Variants in IPO5 observed in about 807,000 individuals in gnomAD.
IPO5 encodes importin 5.
In IPO5, 18 loss-of-function variants were observed where a neutral mutation model predicts 143.3. That is an observed-to-expected ratio of 0.13 (90% CI 0.09 to 0.19). The LOEUF (loss-of-function observed/expected upper bound fraction) is 0.19, where lower values mean the gene tolerates loss of function less well. Ranked by LOEUF, IPO5 falls within the 10% of genes least tolerant of loss-of-function variation. The pLI is 1.00. For missense variants in IPO5, 1,013 were observed against 1,336.9 expected (o/e 0.76, Z 3.78); for synonymous variants, 477 against 465.7 (o/e 1.02, Z -0.31).
chr13:98,013,028 A>G (rs763804645), intron 21 of IPO5, among the ~76,000 whole-genome samples: 1 of 151,980 alleles, frequency 6.6e-6, no homozygotes, highest in Non-Finnish European at 1.5e-5. Flanking sequence ...AAATGTGGAT[A>G]GCACCTTTGC....
chr13:97,990,329 C>T (rs1251559334), intron 8 of IPO5, 104 bp from the exon 9 acceptor site: 1 of 1,145,066 alleles, frequency 8.7e-7, no homozygotes, highest in Non-Finnish European at 1.3e-6. Context: ...AAAATACAAA[C>T]ACCAGTTTTA....
chr13:97,982,358 G>A, intron 4 of IPO5, 145 bp from the exon 5 acceptor site: 1 of 604,498 alleles, frequency 1.7e-6, no homozygotes, highest in Non-Finnish European at 2.9e-6. Context: ...CATATCTGAA[G>A]TGTATTTCAT....
intron 2 of IPO5, among the ~76,000 whole-genome samples, chr13:97,968,292 A>G (rs1885523610): frequency 6.6e-6 from 1 of 152,356 alleles, no homozygotes; most frequent in Non-Finnish European, 1.5e-5. Context: ...CTTGTTTTAC[A>G]GCCTAACATA....
rs1427021939 is a variant in IPO5 at position 98,017,156 on chromosome 13, A to C, written c.2616+305A>C. ...TCCTAAATTAATAAAAGGAAACAGA[A>C]TGGTTACTTCTTTTTTAGTGGACCA... On this transcript the variant is annotated intron_variant, in intron 25 of 28. Coordinates refer to ENST00000651721, the MANE Select transcript of IPO5 (RefSeq NM_002271.6). Among the ~76,000 whole-genome samples, 5 of 152,180 alleles carry C rather than the reference A, an allele frequency of 3.3e-5. No homozygotes were observed. In the East Asian group the frequency reaches 9.7e-4, roughly 29 times the overall value.
intron 12 of IPO5, 131 bp downstream of exon 12, chr13:97,997,749 G>T: frequency 2.3e-6 from 1 of 430,982 alleles, no homozygotes; most frequent in Non-Finnish European, 4.2e-6. Context: ...CCTTGCTGTT[G>T]TATTTATTGC....
At chr13:97,997,799 T>C (rs750053068) in intron 12 of IPO5, among the ~76,000 whole-genome samples, 181 bp downstream of exon 12, 1 of 152,244 alleles carries the variant, frequency 6.6e-6, no homozygotes, top group Non-Finnish European at 1.5e-5. Context: ...TTAGTTTTCA[T>C]GTATAATTTA....
At position 97,980,067 on chromosome 13, in the gene IPO5, CA is replaced by C. The variant is rs1169557410; in HGVS notation, c.91-2433del. ...TAAATTGTATAAGGTGGAATCAAATCAAATTGAAATTTTGTTTGCCACAACT... is the reference window on the plus strand; with the variant it reads ...TAAATTGTATAAGGTGGAATCAAATCAATTGAAATTTTGTTTGCCACAACT... On this transcript the variant is annotated intron_variant, in intron 4 of 28. Transcript: ENST00000651721. 24 of 388,666 alleles carry C rather than the reference CA, an allele frequency of 6.2e-5. No homozygotes were observed. In the East Asian group the frequency reaches 1.7e-3, roughly 28 times the overall value. 24.1% of individuals were successfully genotyped at this position (388,666 alleles called of 1,614,324 possible). A position where few individuals can be genotyped will look rare whatever the true frequency, so the allele number is the denominator to read the frequency against.
At chr13:97,989,602 C>G (rs1369798877) in intron 7 of IPO5, among the ~76,000 whole-genome samples, 1 of 152,136 alleles carries the variant, frequency 6.6e-6, no homozygotes. Context: ...ATATTTATAA[C>G]CAAATAGTCT....
chr13:98,018,472 A>T lies in IPO5; in HGVS notation c.2617-13A>T. ...ACCAGTATTTGAAGCTTAAAAGAGA[A>T]TTTCTTTTGTAGTGTCCACATAGAC... On this transcript the variant is annotated splice_polypyrimidine_tract_variant and intron_variant, in intron 25 of 28. Coordinates refer to ENST00000651721, the MANE Select transcript of IPO5 (RefSeq NM_002271.6). The T allele has an allele frequency of 1.3e-6, 2 of 1,582,114 alleles. No individual in the cohort carries two copies. The highest frequency in any genetic ancestry group is 2.2e-5 in the South Asian group (2 of 89,736).
In IPO5 at chr13:98,018,735, C is replaced by T. The variant is rs569012724; in HGVS notation, c.2836+31C>T. The T allele has an allele frequency of 1.8e-4, 264 of 1,495,286 alleles. 4 individuals carry two copies. In the South Asian group the frequency reaches 2.9e-3, roughly 17 times the overall value. The allele number at this position is 1,495,286 out of a possible 1,614,324, so 92.6% of individuals were successfully genotyped here. On this transcript the variant is annotated intron_variant, in intron 26 of 28. Coordinates refer to ENST00000651721, the MANE Select transcript of IPO5 (RefSeq NM_002271.6). ...TTTGCTTATTCCGTTACGTGCATTT[C>T]ATTCCAGACATCCTGTGAATCCCTA...
rs1890516981 is a variant in IPO5 at position 98,021,826 on chromosome 13, G to T, written c.*4G>T. On this transcript the variant is annotated 3_prime_UTR_variant, in exon 29 of 29. Coordinates refer to ENST00000651721, the MANE Select transcript of IPO5 (RefSeq NM_002271.6). Reference sequence around the variant, plus strand: ...GGAGCTCCTGAACTCTGCGTGAAGGGCCTTAATGTCACCCACCAGAAAACT... The same window carrying T: ...GGAGCTCCTGAACTCTGCGTGAAGGTCCTTAATGTCACCCACCAGAAAACT... 1 of 1,590,110 alleles carries T rather than the reference G, an allele frequency of 6.3e-7. No individual in the cohort carries two copies. The highest frequency in any genetic ancestry group is 1.3e-5 in the African/African-American group (1 of 74,558).
chr13:97,992,775 T>C, intron 9 of IPO5, 117 bp from the exon 10 acceptor site: 1 of 1,086,682 alleles, frequency 9.2e-7, no homozygotes, highest in East Asian at 2.4e-5. Flanking sequence ...TGCTAAATTA[T>C]TTAGTGAAAA....
At chr13:98,011,359 C>T (rs1889699114) in intron 20 of IPO5, among the ~76,000 whole-genome samples, 1 of 152,158 alleles carries the variant, frequency 6.6e-6, no homozygotes, top group South Asian at 2.1e-4. Context: ...GGCTTGATCT[C>T]AGCTCACTGC....
chr13:97,961,315 T>C (rs1188810837), intron 2 of IPO5, among the ~76,000 whole-genome samples: 1 of 152,194 alleles, frequency 6.6e-6, no homozygotes, highest in East Asian at 1.9e-4. Context: ...TGTCAACATA[T>C]GTTGTCTTTT....
chr13:98,008,194 A>C, intron 18 of IPO5, 52 bp downstream of exon 18: 1 of 1,049,316 alleles, frequency 9.5e-7, no homozygotes. Flanking sequence ...TGTGGACAGC[A>C]CATGGTTCAA....
Position 97,994,464 on chromosome 13 carries a change from CATA to C in IPO5, c.913+1245_913+1247del, listed in dbSNP as rs142707496. Among the ~76,000 whole-genome samples the C allele has an allele frequency of 1.6e-3, 237 of 152,234 alleles. 1 individual carries two copies. The highest frequency in any genetic ancestry group is 5.5e-3 in the African/African-American group (228 of 41,528). On this transcript the variant is annotated intron_variant, in intron 11 of 28. Transcript: ENST00000651721. ...ATTTTATTGTAAGTGTTCCATTATT[CATA>C]ATAATCATTTAGAAAATTTTATAGG...
intron 2 of IPO5, among the ~76,000 whole-genome samples, chr13:97,967,800 T>G (rs1885475803): frequency 6.6e-6 from 1 of 151,978 alleles, no homozygotes; most frequent in Admixed American, 6.6e-5. Flanking sequence ...CCCGGCTAAT[T>G]TTTTGTATTT....
intron 6 of IPO5, among the ~76,000 whole-genome samples, chr13:97,986,707 C>T (rs1050581269): frequency 4.6e-5 from 7 of 152,050 alleles, no homozygotes; most frequent in South Asian, 2.1e-4. Context: ...AAAAGGCAAA[C>T]ATCATAAAAA....
chr13:97,971,090 T>C (rs1156389404), intron 3 of IPO5, among the ~76,000 whole-genome samples: 1 of 152,234 alleles, frequency 6.6e-6, no homozygotes, highest in East Asian at 1.9e-4. Context: ...GAAGCTATCA[T>C]TTGAACTTGC....
Sources: gnomAD v4.1 joint callset for allele counts (sites outside exome capture counted in the v4.1 genomes callset) on GRCh38, gnomAD v4.1.1 for gene constraint, MANE v1.5 for transcripts, NCBI Gene and HGNC (gene_info 2026-07-23, HGNC 2026-07-21) for gene names.